The following KIAA0753 variants were observed in gnomAD, a reference collection of about 807,000 sequenced individuals.
KIAA0753 encodes the protein protein moonraker.
Under a neutral mutation model 116.9 loss-of-function variants are expected in KIAA0753, and 114 were observed. The observed-to-expected ratio is 0.98, with a 90% CI of 0.84 to 1.14. The LOEUF (loss-of-function observed/expected upper bound fraction) is 1.14, where lower values mean the gene tolerates loss of function less well. Ranked by LOEUF, KIAA0753 falls within the 50% of genes most tolerant of loss-of-function variation. The pLI, the probability that KIAA0753 is intolerant of heterozygous loss-of-function variation, is 0.00. For missense variants in KIAA0753, 1,156 were observed against 1,172.4 expected, an observed-to-expected ratio of 0.99 and a Z score of 0.20; for synonymous variants, 405 against 413.1, an observed-to-expected ratio of 0.98 and a Z score of 0.24.
At chr17:6,624,366 G>A (rs1971517989) in intron 4 of KIAA0753, among the ~76,000 whole-genome samples, 1 of 152,080 alleles carries the variant, frequency 6.6e-6, no homozygotes. Flanking sequence ...TAAGACTGGG[G>A]TCCATAGCTA....
At chr17:6,609,320 A>C (rs541741196) in intron 9 of KIAA0753, among the ~76,000 whole-genome samples, 15 of 152,204 alleles carry the variant, frequency 9.9e-5, no homozygotes, top group Admixed American at 3.3e-4. Flanking sequence ...TGTTTTCAAA[A>C]ACTACTGCCT....
At position 6,579,711 on chromosome 17, in the gene KIAA0753, C is replaced by T. The variant is rs760197927; in HGVS notation, c.*36G>A. The stretch of plus-strand genomic sequence containing the variant: ...AACAAAGGGTGGTGCCATCCCTTCT[C>T]CAGTGTGACACAAATGGCCTCGCCT... On this transcript the variant is annotated 3_prime_UTR_variant, in exon 19 of 19. Transcript: ENST00000361413. The T allele has an allele frequency of 7.0e-7, 1 of 1,428,246 alleles. No homozygotes were observed. The highest frequency in any genetic ancestry group is 9.9e-7 in the Non-Finnish European group (1 of 1,013,086). The allele number at this position is 1,428,246 out of a possible 1,614,324, so 88.5% of individuals were successfully genotyped here.
chr17:6,633,188 G>A (rs1356276950), intron 2 of KIAA0753, among the ~76,000 whole-genome samples: 1 of 152,224 alleles, frequency 6.6e-6, no homozygotes, highest in Non-Finnish European at 1.5e-5. Flanking sequence ...TATAGAGATA[G>A]TGAGAGAGAG....
chr17:6,581,969 G>T (rs530633113), intron 18 of KIAA0753, among the ~76,000 whole-genome samples: 1 of 152,126 alleles, frequency 6.6e-6, no homozygotes, highest in African/African-American at 2.4e-5. Flanking sequence ...CATGGAGAAC[G>T]GTATTTAGAA....
intron 18 of KIAA0753, among the ~76,000 whole-genome samples, chr17:6,586,469 T>C (rs1395530104): frequency 6.6e-6 from 1 of 152,230 alleles, no homozygotes; most frequent in Non-Finnish European, 1.5e-5. Context: ...TCTAGCCTGC[T>C]AAGTCAGTCA....
chr17:6,597,703 T>C (rs1460637245), intron 14 of KIAA0753, among the ~76,000 whole-genome samples: 2 of 152,190 alleles, frequency 1.3e-5, no homozygotes, highest in African/African-American at 4.8e-5. Flanking sequence ...AATGGTACCT[T>C]TACAAGAGCT....
intron 18 of KIAA0753, among the ~76,000 whole-genome samples, chr17:6,580,876 G>A (rs1345522621): frequency 1.4e-5 from 2 of 147,454 alleles, no homozygotes; most frequent in East Asian, 2.0e-4. Flanking sequence ...GACACTAGGG[G>A]ACTCTGCACG....
chr17:6,580,332 T>TA (rs1349364962), intron 18 of KIAA0753, among the ~76,000 whole-genome samples: 4 of 150,042 alleles, frequency 2.7e-5, no homozygotes, highest in African/African-American at 7.3e-5. Context: ...TTTTTTTTTT[T>TA]GAGACGGAGT....
At chr17:6,599,916 T>C (rs1362573131) in intron 13 of KIAA0753, among the ~76,000 whole-genome samples, 1 of 152,134 alleles carries the variant, frequency 6.6e-6, no homozygotes, top group Admixed American at 6.5e-5. Flanking sequence ...TTACTGCTTA[T>C]GGGAGGATGG....
chr17:6,620,855 G>C lies in KIAA0753; in HGVS notation c.1248C>G (p.Pro416=). 6.2e-7 allele frequency: 1 copy of C among 1,614,128 alleles called. No individual in the cohort carries two copies. Among genetic ancestry groups the C allele is most frequent in the South Asian group, 1.1e-5 (1 of 91,084 alleles). The change falls in exon 7 of 19, where the codon CCC becomes CCG. Residue 416 remains proline, a synonymous_variant. Coordinates refer to ENST00000361413, the MANE Select transcript of KIAA0753 (RefSeq NM_014804.3). ...PSTSPKGERR[P]LTAKDTFPQE... ...GTGGGAATGTGTCCTTTGCTGTGAG[G>C]GGCCTCCTCTCACCCTTTGGTGATG...
chr17:6,612,197 CA>C, intron 7 of KIAA0753, 49 bp from the exon 8 acceptor site: 3 of 1,370,138 alleles, frequency 2.2e-6, no homozygotes, highest in Non-Finnish European at 3.1e-6. Flanking sequence ...CTATTCAAAT[CA>C]AATTGCTGAG....
Position 6,607,247 on chromosome 17 carries a change from G to GT in KIAA0753, c.1852dup (p.Thr618AsnfsTer17). On this transcript the variant is annotated frameshift_variant, in exon 11 of 19. Coordinates refer to ENST00000361413, the MANE Select transcript of KIAA0753 (RefSeq NM_014804.3). LOFTEE classifies it high-confidence loss of function. The stretch of plus-strand genomic sequence containing the variant: ...TTCTAGTTCCTTCAATCTTTTGGAA[G>GT]TTTCAGCATCAAGCCAAGCGAGCCT... The GT allele has an allele frequency of 6.2e-7, 1 of 1,614,070 alleles. No homozygotes were observed.
At chr17:6,610,356 T>G (rs1176119633) in intron 8 of KIAA0753, among the ~76,000 whole-genome samples, 196 bp from the exon 9 acceptor site, 11 of 144,348 alleles carry the variant, frequency 7.6e-5, no homozygotes, top group East Asian at 2.2e-4. Flanking sequence ...GGGCGGGGGG[T>G]GGAGGGTGTA....
chr17:6,603,866 G>A (rs1970027348), intron 12 of KIAA0753, among the ~76,000 whole-genome samples: 1 of 152,210 alleles, frequency 6.6e-6, no homozygotes, highest in African/African-American at 2.4e-5. Context: ...GCCAAACACT[G>A]CAGAAAAACC....
At chr17:6,612,495 G>C (rs955716709) in intron 7 of KIAA0753, among the ~76,000 whole-genome samples, 2 of 152,186 alleles carry the variant, frequency 1.3e-5, no homozygotes, top group African/African-American at 4.8e-5. Context: ...TGGAATAACA[G>C]TGTCTCCTAA....
At chr17:6,622,278 T>C (rs762854044) in intron 6 of KIAA0753, among the ~76,000 whole-genome samples, 15 of 152,312 alleles carry the variant, frequency 9.8e-5, no homozygotes, top group Admixed American at 2.6e-4. Context: ...GTAAAACCCA[T>C]TGCAAAGCAT....
At chr17:6,640,081 G>A (rs1332352170) in intron 1 of KIAA0753, 1 of 152,764 alleles carries the variant, frequency 6.5e-6, no homozygotes, top group African/African-American at 2.4e-5. Flanking sequence ...CGTCCCCCAT[G>A]GCCGCTGACG....
intron 7 of KIAA0753, among the ~76,000 whole-genome samples, chr17:6,620,131 G>A (rs771325113): frequency 4.6e-5 from 7 of 152,126 alleles, no homozygotes; most frequent in African/African-American, 7.2e-5. Flanking sequence ...AAATAATATG[G>A]CTAAGGAGCA....
At position 6,579,777 on chromosome 17, in the gene KIAA0753, G is replaced by C. The variant is rs757203367; in HGVS notation, c.2874C>G (p.Phe958Leu). The change falls in exon 19 of 19, where the codon TTC becomes TTG. Residue 958 changes from phenylalanine (F) to leucine (L), a missense_variant. Phe to Leu is a conservative substitution (Grantham distance 22). Coordinates refer to ENST00000361413, the MANE Select transcript of KIAA0753 (RefSeq NM_014804.3). ...DMCEDYAEAV[F>L]TSEFLEAAT ...TAGCAGCCTCTAAGAATTCTGAGGT[G>C]AACACAGCTTCTGCATAATCTTCGC... 3.7e-6 allele frequency: 6 copies of C among 1,613,600 alleles called. No homozygotes were observed. Among genetic ancestry groups the C allele is most frequent in the Non-Finnish European group, 5.1e-6 (6 of 1,179,886 alleles).
Sources: allele counts gnomAD v4.1 joint callset (sites outside exome capture counted in the v4.1 genomes callset), GRCh38; gene constraint gnomAD v4.1.1; transcripts MANE v1.5; gene names NCBI Gene and HGNC (gene_info 2026-07-23, HGNC 2026-07-21).